The following TNXB variants were observed in gnomAD, a reference collection of about 807,000 sequenced individuals.
The protein encoded by TNXB is tenascin XB, also known as tenascin-X.
Under a neutral mutation model 340.5 loss-of-function variants are expected in TNXB, and 183 were observed. That is an observed-to-expected ratio of 0.54 (90% CI 0.48 to 0.61). The LOEUF (loss-of-function observed/expected upper bound fraction) is 0.61. TNXB is among the 20% of genes least tolerant of loss of function. The pLI is 0.00. For synonymous variants in TNXB, 2,121 were observed against 2,314.5 expected (o/e 0.92, Z 2.40); for missense variants, 4,613 against 5,446.4 (o/e 0.85, Z 4.82).
At chr6:32,103,727 C>CTTTT (rs28986186) in intron 1 of TNXB, among the ~76,000 whole-genome samples, 9 of 123,392 alleles carry the variant, frequency 7.3e-5, no homozygotes, top group African/African-American at 1.6e-4. Flanking sequence ...TTCACCGCAT[C>CTTTT]TTTTTTTTTT....
chr6:32,054,290 T>C (rs575815656), intron 24 of TNXB, among the ~76,000 whole-genome samples: 23 of 152,164 alleles, frequency 1.5e-4, no homozygotes, highest in African/African-American at 5.3e-4. Context: ...CCCATCCCCA[T>C]CTTTAGCTCC....
At position 32,053,625 on chromosome 6, in the gene TNXB, C is replaced by T. The variant is rs772317696; in HGVS notation, c.8554G>A (p.Val2852Met). ...AGGGAGTCAGGGGTGGCATCTGTCA[C>T]GGTCAGCTCCCCGAGGCGAGGCTTG... Reference protein sequence around the residue: ...PNKPRLGELTVTDATPDSLSL... With the variant: ...PNKPRLGELTMTDATPDSLSL... The change falls in exon 25 of 44, where the codon GTG (valine) becomes ATG (methionine). Residue 2852 changes from valine (V) to methionine (M), a missense_variant. By Grantham distance (21) the Val-to-Met change is conservative. Around this residue, in one of 7 missense-constraint regions of TNXB, gnomAD observed 4,327 missense variants for 4,859.4 expected, o/e 0.89. Coordinates refer to ENST00000644971, the MANE Select transcript of TNXB (RefSeq NM_001365276.2). 101 of 1,613,500 alleles carry T rather than the reference C, an allele frequency of 6.3e-5. No individual in the cohort carries two copies. The highest frequency in any genetic ancestry group is 3.3e-4 in the Middle Eastern group (2 of 6,022).
At chr6:32,103,345 G>T (rs1034115844) in intron 1 of TNXB, among the ~76,000 whole-genome samples, 1 of 151,074 alleles carries the variant, frequency 6.6e-6, no homozygotes. Context: ...CGGGAGAATC[G>T]CTTGAACCTG....
Position 32,071,990 on chromosome 6 carries a change from C to T in TNXB, c.4990G>A (p.Val1664Ile). 6.3e-7 allele frequency: 1 copy of T among 1,592,532 alleles called. No homozygotes were observed. Among genetic ancestry groups the T allele is most frequent in the Non-Finnish European group, 8.6e-7 (1 of 1,167,584 alleles). Reference protein sequence around the residue: ...RSPVSVEAKTVARGDASPGAP... With the variant: ...RSPVSVEAKTIARGDASPGAP... The stretch of plus-strand genomic sequence containing the variant: ...TCAGCTGTGTAGGGGCCCATCTCAC[C>T]CGTCTTTGCCTCCACAGAGACTGGG... Residue 1664 changes from valine (V) to isoleucine (I), a missense_variant and splice_region_variant, in exon 13 of 44, where the codon GTT becomes ATT. Val to Ile is a conservative substitution (Grantham distance 29). This residue lies in a region of TNXB where 4,327 missense variants were observed against 4,859.4 expected (regional missense o/e 0.89). Transcript: ENST00000644971.
In TNXB at chr6:32,050,187, C is replaced by T. The variant is rs372305149; in HGVS notation, c.9250G>A (p.Glu3084Lys). The change falls in exon 27 of 44, where the codon GAG becomes AAG. Residue 3084 changes from glutamate (E) to lysine (K), a missense_variant. Transcript: ENST00000644971. Reference sequence around the variant, plus strand: ...ACCAGGAAGTGGTCAAACTGGCCCTCGGGAACCATCCAGGACAGGCTGAGG... The same window carrying T: ...ACCAGGAAGTGGTCAAACTGGCCCTTGGGAACCATCCAGGACAGGCTGAGG... ...DSLSLSWMVP[E>K]GQFDHFLVQY... 62 of 1,613,710 alleles carry T rather than the reference C, an allele frequency of 3.8e-5. No individual in the cohort carries two copies. The highest frequency in any genetic ancestry group is 2.5e-4 in the African/African-American group (19 of 74,910).
At chr6:32,060,877 G>A (rs1305854345) in intron 21 of TNXB, among the ~76,000 whole-genome samples, 2 of 151,988 alleles carry the variant, frequency 1.3e-5, no homozygotes, top group East Asian at 1.9e-4. Flanking sequence ...GACCTCAGGC[G>A]ATCAGCCCGC....
chr6:32,097,747 T>C lies in TNXB; in HGVS notation c.403+49A>G. ...ACCAAGGACCTTTATGGACTAGCAATGCCCACCCCACCCCACCTCTCCACC... is the reference window on the plus strand; with the variant it reads ...ACCAAGGACCTTTATGGACTAGCAACGCCCACCCCACCCCACCTCTCCACC... On this transcript the variant is annotated intron_variant, in intron 2 of 43. Coordinates refer to ENST00000644971, the MANE Select transcript of TNXB (RefSeq NM_001365276.2). The surrounding 1 kb of genome is among the most constrained non-coding windows in gnomAD (Gnocchi z 5.9). The C allele has an allele frequency of 1.3e-6, 2 of 1,484,760 alleles. No individual in the cohort carries two copies. Among genetic ancestry groups the C allele is most frequent in the Non-Finnish European group, 1.8e-6 (2 of 1,117,172 alleles). The allele number at this position is 1,484,760 out of a possible 1,614,324, so 92.0% of individuals were successfully genotyped here. A position where few individuals can be genotyped will look rare whatever the true frequency, so the allele number is the denominator to read the frequency against.
Position 32,069,740 on chromosome 6 carries a change from C to T in TNXB, c.5400G>A (p.Glu1800=), listed in dbSNP as rs1778642807. 1.2e-6 allele frequency: 2 copies of T among 1,612,962 alleles called. No homozygotes were observed. Among genetic ancestry groups the T allele is most frequent in the Middle Eastern group, 1.6e-4 (1 of 6,082 alleles). The change falls in exon 15 of 44, where the codon GAG becomes GAA. Residue 1800 remains glutamate (E), a synonymous_variant. Coordinates refer to ENST00000644971, the MANE Select transcript of TNXB (RefSeq NM_001365276.2). The surrounding 1 kb of genome is among the most constrained non-coding windows in gnomAD (Gnocchi z 6.2). ...NSVGLSWTVP[E]GQFDSFVVQY... is the part of the protein sequence containing the mutation. ...GGACCACAAAGGAGTCAAACTGGCC[C>T]TCAGGGACTGTCCAGGAGAGGCCCA... is the stretch of plus-strand genomic sequence containing the variant.
chr6:32,060,484 G>C (rs1777943362), intron 21 of TNXB, among the ~76,000 whole-genome samples: 1 of 151,624 alleles, frequency 6.6e-6, no homozygotes, highest in Non-Finnish European at 1.5e-5. Flanking sequence ...AGAAAATTTG[G>C]ACTATGCAGA....
rs1480650012 is a variant in TNXB, at chr6:32,082,932, T to G, written c.3446-606A>C. Among the ~76,000 whole-genome samples the G allele has an allele frequency of 6.6e-6, 1 of 152,126 alleles. No individual in the cohort carries two copies. The highest frequency in any genetic ancestry group is 2.4e-5 in the African/African-American group (1 of 41,414). On this transcript the variant is annotated intron_variant, in intron 8 of 43. Coordinates refer to ENST00000644971, the MANE Select transcript of TNXB (RefSeq NM_001365276.2). This position sits in a 1 kb window ranked among gnomAD's most constrained non-coding sequence, Gnocchi z 5.0. ...CACACCCCTCCTCACCCCCACTCTGTGTGCATCTCTCTCTAGCCTCCATCT... is the reference window on the plus strand; with the variant it reads ...CACACCCCTCCTCACCCCCACTCTGGGTGCATCTCTCTCTAGCCTCCATCT...
Position 32,042,824 on chromosome 6 carries a change from A to C in TNXB, c.11933T>G (p.Leu3978Arg). The change falls in exon 39 of 44, where the codon CTG becomes CGG. Residue 3978 changes from leucine to arginine, a missense_variant. By Grantham distance (102) the Leu-to-Arg change is moderately radical. This residue lies in a region of TNXB where 114 missense variants were observed against 104.5 expected (regional missense o/e 1.09). Transcript: ENST00000644971. ...GTGAGATGTGATCCCTCCTGGGAGC[A>C]GGATCTCCTGTGGGACAGACAAGGG... is the stretch of plus-strand genomic sequence containing the variant. ...HTPGGQNQEI[L>R]LPGGITSHQL... is the part of the protein sequence containing the mutation. 1.8e-6 allele frequency: 1 copy of C among 543,384 alleles called. No homozygotes were observed. Among genetic ancestry groups the C allele is most frequent in the Non-Finnish European group, 3.1e-6 (1 of 319,536 alleles). 33.7% of individuals were successfully genotyped at this position (543,384 alleles called of 1,614,324 possible). A position where few individuals can be genotyped will look rare whatever the true frequency, so the allele number is the denominator to read the frequency against.
chr6:32,093,201 GAGA>G (rs1780157874), intron 4 of TNXB: 1 of 592,372 alleles, frequency 1.7e-6, no homozygotes, highest in Non-Finnish European at 3.0e-6. Context: ...AATATATACA[GAGA>G]AGAAGAGAGT....
chr6:32,059,751 C>T (rs907750027), intron 21 of TNXB, among the ~76,000 whole-genome samples: 6 of 151,980 alleles, frequency 3.9e-5, no homozygotes, highest in Non-Finnish European at 5.9e-5. Context: ...TCGGGGATGC[C>T]GATTGAGAGT....
intron 4 of TNXB, chr6:32,093,482 G>A (rs1393875330): frequency 1.5e-6 from 1 of 675,124 alleles, no homozygotes; most frequent in Non-Finnish European, 2.7e-6. Flanking sequence ...ACAAGACAAA[G>A]CAAAGTGGAG....
In TNXB at chr6:32,052,153, GTTAGAA is replaced by G. The variant is rs1398062217; in HGVS notation, c.9115+511_9115+516del. Among the ~76,000 whole-genome samples, 1 of 152,182 alleles carries G rather than the reference GTTAGAA, an allele frequency of 6.6e-6. No individual in the cohort carries two copies. The highest frequency in any genetic ancestry group is 1.5e-5 in the Non-Finnish European group (1 of 68,036). ...TGGCATCAAGATAGATGAGAATCTTGTTAGAAATGGATGGTCGGCTGGGCGCCGTGG... is the reference window on the plus strand; with the variant it reads ...TGGCATCAAGATAGATGAGAATCTTGATGGATGGTCGGCTGGGCGCCGTGG... On this transcript the variant is annotated intron_variant, in intron 26 of 43. Transcript: ENST00000644971. This position sits in a 1 kb window ranked among gnomAD's most constrained non-coding sequence, Gnocchi z 4.7.
At position 32,067,141 on chromosome 6, in the gene TNXB, A is replaced by AAGAAAGAC. The variant is rs1778407345; in HGVS notation, c.6544+519_6544+520insGTCTTTCT. Among the ~76,000 whole-genome samples the AAGAAAGAC allele has an allele frequency of 8.5e-6, 1 of 117,004 alleles. No homozygotes were observed. The highest frequency in any genetic ancestry group is 1.8e-5 in the Non-Finnish European group (1 of 55,626). 76.8% of individuals were successfully genotyped at this position (117,004 alleles called of 152,430 possible). A position where few individuals can be genotyped will look rare whatever the true frequency, so the allele number is the denominator to read the frequency against. ...AAAGAAAGAAAGGAAGGAAGAAAGA[A>AAGAAAGAC]AGAAAGAAAGAAAGAAAGAAAGAAA... On this transcript the variant is annotated intron_variant, in intron 18 of 43. Transcript: ENST00000644971. The surrounding 1 kb of genome is among the most constrained non-coding windows in gnomAD (Gnocchi z 4.2).
At chr6:32,057,949 T>G in intron 22 of TNXB, 109 bp downstream of exon 22, 1 of 1,288,998 alleles carries the variant, frequency 7.8e-7, no homozygotes, top group Non-Finnish European at 1.0e-6. Context: ...GTTGCTATAT[T>G]CCTTTCACTG....
Position 32,108,373 on chromosome 6 carries a change from G to A in TNXB, c.-9+808C>T, listed in dbSNP as rs1274658702. 6.6e-6 allele frequency among the ~76,000 whole-genome samples: 1 copy of A among 152,148 alleles called. No homozygotes were observed. The highest frequency in any genetic ancestry group is 2.4e-5 in the African/African-American group (1 of 41,420). On this transcript the variant is annotated intron_variant, in intron 1 of 43. Coordinates refer to ENST00000644971, the MANE Select transcript of TNXB (RefSeq NM_001365276.2). The surrounding 1 kb of genome is among the most constrained non-coding windows in gnomAD (Gnocchi z 4.8). ...TGGTGGTGGGGGGCGGGGGCGGCGA[G>A]GTGAGGGAGAGTGCGGGTTCAGACA...
rs1182736987 is a variant in TNXB at position 32,068,418 on chromosome 6, C to T, written c.6192G>A (p.Met2064Ile). The stretch of plus-strand genomic sequence containing the variant: ...TCACCCCGACGACAGACACAGGGCC[C>T]ATGCGCTGGCCACCGTGGAAGCCGT... ...NLYGFHGGQR[M>I]GPVSVVGVTA... Residue 2064 changes from methionine (M) to isoleucine (I), a missense_variant, in exon 17 of 44, where the codon ATG becomes ATA. Physicochemically the swap from Met to Ile is conservative, Grantham distance 10 (BLOSUM62 1). Coordinates refer to ENST00000644971, the MANE Select transcript of TNXB (RefSeq NM_001365276.2). The surrounding 1 kb of genome is among the most constrained non-coding windows in gnomAD (Gnocchi z 5.3). 4 of 1,613,876 alleles carry T rather than the reference C, an allele frequency of 2.5e-6. No homozygotes were observed. Among genetic ancestry groups the T allele is most frequent in the Middle Eastern group, 1.6e-4 (1 of 6,062 alleles).
Sources: allele counts gnomAD v4.1 joint callset (sites outside exome capture counted in the v4.1 genomes callset), GRCh38; gene constraint gnomAD v4.1.1; regional missense constraint gnomAD v4.1.1; non-coding constraint Gnocchi (gnomAD v3.1); transcripts MANE v1.5; gene names NCBI Gene and HGNC (gene_info 2026-07-23, HGNC 2026-07-21).